RAB27B: variants seen among roughly 807,000 people sequenced by gnomAD.
RAB27B encodes the protein ras-related protein Rab-27B.
In RAB27B, 15 loss-of-function variants were observed where a neutral mutation model predicts 24.6. The observed-to-expected ratio is 0.61, with a 90% CI of 0.41 to 0.94. The LOEUF (loss-of-function observed/expected upper bound fraction) is 0.94, where lower values mean the gene tolerates loss of function less well. Among genes scored for constraint, RAB27B ranks in the 40% least tolerant of loss-of-function variants. RAB27B has a pLI of 0.00. For missense variants in RAB27B, 261 were observed against 266.8 expected (o/e 0.98, Z 0.15); for synonymous variants, 105 against 92.5 (o/e 1.14, Z -0.78).
At chr18:54,776,772 T>G (rs1417614738) in intron 2 of RAB27B, among the ~76,000 whole-genome samples, 9 of 152,088 alleles carry the variant, frequency 5.9e-5, no homozygotes, top group Non-Finnish European at 1.3e-4. Flanking sequence ...AATGAATAAA[T>G]CTCGGGCCTG....
chr18:54,820,486 G>T (rs1910271558), intron 2 of RAB27B, among the ~76,000 whole-genome samples: 1 of 152,122 alleles, frequency 6.6e-6, no homozygotes, highest in Admixed American at 6.5e-5. Context: ...TTGTAAATTT[G>T]TTTGAGTTCA....
At chr18:54,732,937 A>C (rs1909771432) in intron 2 of RAB27B, among the ~76,000 whole-genome samples, 1 of 152,206 alleles carries the variant, frequency 6.6e-6, no homozygotes, top group African/African-American at 2.4e-5. Context: ...ATGTTATTGA[A>C]ACAACTTTCT....
At chr18:54,788,850 A>T (rs1260780526) in intron 2 of RAB27B, among the ~76,000 whole-genome samples, 1 of 152,090 alleles carries the variant, frequency 6.6e-6, no homozygotes, top group Non-Finnish European at 1.5e-5. Context: ...AAACATATGG[A>T]TTTGGTCAGT....
intron 2 of RAB27B, among the ~76,000 whole-genome samples, chr18:54,817,387 C>T (rs540068072): frequency 7.0e-4 from 107 of 152,200 alleles, no homozygotes; most frequent in Non-Finnish European, 7.6e-4. Flanking sequence ...CTTGGGAAGA[C>T]CCTCAAGTTT....
chr18:54,877,752 C>T lies in RAB27B; in HGVS notation c.153+14C>T, dbSNP rs747288005. The T allele has an allele frequency of 5.1e-6, 8 of 1,571,698 alleles. No individual in the cohort carries two copies. Among genetic ancestry groups the T allele is most frequent in the East Asian group, 2.4e-5 (1 of 41,738 alleles). On this transcript the variant is annotated intron_variant, in intron 2 of 5. Coordinates refer to ENST00000262094, the MANE Select transcript of RAB27B (RefSeq NM_004163.4). ...GAAAAACGTGTGGTGAGTTTTTAAT[C>T]GTACTTCTAACCTTGTCACTCATCC...
chr18:54,874,390 G>C (rs1912606673), intron 1 of RAB27B, among the ~76,000 whole-genome samples: 1 of 152,012 alleles, frequency 6.6e-6, no homozygotes, highest in Admixed American at 6.5e-5. Context: ...TATTTTCTCA[G>C]ATCCTTATTT....
chr18:54,812,364 A>G (rs1049640658), intron 2 of RAB27B, among the ~76,000 whole-genome samples: 1 of 152,224 alleles, frequency 6.6e-6, no homozygotes, highest in Non-Finnish European at 1.5e-5. Flanking sequence ...ATGTTCTGGA[A>G]ATAATCCTAG....
At chr18:54,778,761 G>A (rs1015058232) in intron 2 of RAB27B, among the ~76,000 whole-genome samples, 1 of 151,796 alleles carries the variant, frequency 6.6e-6, no homozygotes, top group Non-Finnish European at 1.5e-5. Flanking sequence ...AAGGCATCCT[G>A]CACTTCTTGC....
chr18:54,775,387 G>A (rs1210147167), intron 2 of RAB27B, among the ~76,000 whole-genome samples: 1 of 152,256 alleles, frequency 6.6e-6, no homozygotes, highest in South Asian at 2.1e-4. Context: ...CTTGGCCTAA[G>A]TTTTGTCCTC....
At chr18:54,757,809 TTATAA>T (rs1394543178) in intron 2 of RAB27B, among the ~76,000 whole-genome samples, 4 of 152,142 alleles carry the variant, frequency 2.6e-5, no homozygotes, top group Non-Finnish European at 5.9e-5. Flanking sequence ...TTTGATTTAA[TTATAA>T]TATAATTAAT....
chr18:54,770,657 C>T (rs971504234), intron 2 of RAB27B, among the ~76,000 whole-genome samples: 1 of 152,210 alleles, frequency 6.6e-6, no homozygotes, highest in African/African-American at 2.4e-5. Flanking sequence ...TTCCACAAAA[C>T]CAGTCCATGG....
chr18:54,790,507 T>C (rs960604791), intron 2 of RAB27B, among the ~76,000 whole-genome samples: 8 of 152,170 alleles, frequency 5.3e-5, no homozygotes, highest in African/African-American at 1.9e-4. Flanking sequence ...ATAAGATTGT[T>C]TTGCACATTA....
chr18:54,853,123 A>G (rs1417278257), intron 1 of RAB27B, among the ~76,000 whole-genome samples: 1 of 152,156 alleles, frequency 6.6e-6, no homozygotes, highest in African/African-American at 2.4e-5. Flanking sequence ...CATATGGTTG[A>G]TGTTCAGTAA....
intron 1 of RAB27B, among the ~76,000 whole-genome samples, chr18:54,850,319 A>C (rs1026915660): frequency 1.0e-4 from 9 of 88,626 alleles, no homozygotes; most frequent in Non-Finnish European, 1.9e-4. Flanking sequence ...ATTTATTTAA[A>C]AGCAAACAAA....
At chr18:54,861,929 C>T (rs895841538) in intron 1 of RAB27B, among the ~76,000 whole-genome samples, 5 of 152,250 alleles carry the variant, frequency 3.3e-5, no homozygotes, top group Middle Eastern at 3.4e-3. Context: ...CAAGTGTTTT[C>T]AGTCTTAGAA....
chr18:54,855,464 A>G (rs1911746515), intron 1 of RAB27B, among the ~76,000 whole-genome samples: 1 of 152,172 alleles, frequency 6.6e-6, no homozygotes, highest in Non-Finnish European at 1.5e-5. Context: ...GTGGTGTCCA[A>G]GGTGTTCTGT....
chr18:54,830,603 G>A (rs1294900588), intron 1 of RAB27B, among the ~76,000 whole-genome samples: 1 of 151,750 alleles, frequency 6.6e-6, no homozygotes, highest in African/African-American at 2.4e-5. Flanking sequence ...GCTGCCAAAT[G>A]GGAATGATTT....
Position 54,889,213 on chromosome 18 carries a change from T to G in RAB27B, c.468-11T>G. The stretch of plus-strand genomic sequence containing the variant: ...TCCTCTCAAAAATATTTGCCATCCT[T>G]TCTATGCTAGCATACCATATTTTGA... On this transcript the variant is annotated splice_polypyrimidine_tract_variant and intron_variant, in intron 5 of 5. Coordinates refer to ENST00000262094, the MANE Select transcript of RAB27B (RefSeq NM_004163.4). 6.3e-7 allele frequency: 1 copy of G among 1,596,608 alleles called. No individual in the cohort carries two copies. Among genetic ancestry groups the G allele is most frequent in the Non-Finnish European group, 8.5e-7 (1 of 1,172,746 alleles).
chr18:54,860,542 C>T (rs538155732), intron 1 of RAB27B, among the ~76,000 whole-genome samples: 2 of 152,150 alleles, frequency 1.3e-5, no homozygotes, highest in Non-Finnish European at 2.9e-5. Flanking sequence ...CCCACCCCAC[C>T]AAACATCCCT....
Sources: gnomAD v4.1 joint callset for allele counts (sites outside exome capture counted in the v4.1 genomes callset) on GRCh38, gnomAD v4.1.1 for gene constraint, MANE v1.5 for transcripts, NCBI Gene and HGNC (gene_info 2026-07-23, HGNC 2026-07-21) for gene names.